The following AHDC1 variants were observed in gnomAD, a reference collection of about 807,000 sequenced individuals.
AHDC1 encodes the protein AT-hook DNA binding motif containing 1, also known as transcription factor Gibbin.
A neutral mutation model predicts 87.9 loss-of-function variants in AHDC1; 7 were observed. That is an observed-to-expected ratio of 0.08 (90% CI 0.05 to 0.15). The LOEUF (loss-of-function observed/expected upper bound fraction) is 0.15. Ranked by LOEUF, AHDC1 falls within the 10% of genes least tolerant of loss-of-function variation. The pLI is 1.00. For missense variants in AHDC1, 1,841 were observed against 2,253.2 expected, an observed-to-expected ratio of 0.82 and a Z score of 3.70; for synonymous variants, 1,051 against 1,006.8, an observed-to-expected ratio of 1.04 and a Z score of -0.83.
At chr1:27,577,346 G>C (rs2088784885) in intron 3 of AHDC1, among the ~76,000 whole-genome samples, 1 of 152,246 alleles carries the variant, frequency 6.6e-6, no homozygotes, top group Non-Finnish European at 1.5e-5. Context: ...CCGTGCGGCA[G>C]CTAGAGGGGC....
chr1:27,540,068 G>A (rs1251941531), intron 8 of AHDC1, among the ~76,000 whole-genome samples: 1 of 152,176 alleles, frequency 6.6e-6, no homozygotes, highest in African/African-American at 2.4e-5. Context: ...CAACTGAAGT[G>A]GAGGCTGAGG....
At chr1:27,542,106 C>T (rs1351171451) in intron 8 of AHDC1, among the ~76,000 whole-genome samples, 1 of 152,246 alleles carries the variant, frequency 6.6e-6, no homozygotes, top group Non-Finnish European at 1.5e-5. Flanking sequence ...AGCACAAACG[C>T]AGTGCACTAT....
At chr1:27,585,594 C>T (rs911487171) in intron 3 of AHDC1, among the ~76,000 whole-genome samples, 1 of 152,128 alleles carries the variant, frequency 6.6e-6, no homozygotes, top group Non-Finnish European at 1.5e-5. Context: ...GCCCCTGTTC[C>T]AAACAGATAA....
intron 8 of AHDC1, among the ~76,000 whole-genome samples, chr1:27,544,597 T>G (rs1180940021): frequency 6.6e-6 from 1 of 152,254 alleles, no homozygotes; most frequent in African/African-American, 2.4e-5. Flanking sequence ...TTAAGCCCTC[T>G]GTTGAGAGTG....
At chr1:27,602,293 C>T (rs977518431) in intron 3 of AHDC1, among the ~76,000 whole-genome samples, 10 of 152,026 alleles carry the variant, frequency 6.6e-5, no homozygotes, top group African/African-American at 2.4e-4. Context: ...CGCTCTGTGC[C>T]CGCTGCCCGC....
rs780869080 is a variant in AHDC1, at chr1:27,593,911, C to A, written c.-629+9486G>T. On this transcript the variant is annotated intron_variant, in intron 3 of 8. Coordinates refer to ENST00000673934, the MANE Select transcript of AHDC1 (RefSeq NM_001371928.1). The surrounding 1 kb of genome is among the most constrained non-coding windows in gnomAD (Gnocchi z 4.9). ...CCTTCCCACAGCACTGCAGTTGCTT[C>A]TTCTTTAGGGTCTTGGGGATCAGTG... 2.6e-5 allele frequency among the ~76,000 whole-genome samples: 4 copies of A among 152,220 alleles called. No homozygotes were observed. Among genetic ancestry groups the A allele is most frequent in the Admixed American group, 6.5e-5 (1 of 15,286 alleles).
At chr1:27,568,656 G>A (rs1183986180) in intron 3 of AHDC1, among the ~76,000 whole-genome samples, 1 of 151,870 alleles carries the variant, frequency 6.6e-6, no homozygotes, top group East Asian at 1.9e-4. Flanking sequence ...TAGGGGCGGG[G>A]TCGGGGCTTC....
chr1:27,548,202 A>C lies in AHDC1; in HGVS notation c.3914T>G (p.Leu1305Arg). The change falls in exon 8 of 9, where the codon CTG becomes CGG. Residue 1305 changes from leucine (L) to arginine (R), a missense_variant. Physicochemically the swap from Leu to Arg is moderately radical, Grantham distance 102. This residue lies in a region of AHDC1 where 505 missense variants were observed against 626.2 expected (regional missense o/e 0.81). Transcript: ENST00000673934. ...GCCGAGGTCAGGACTGTCCTGGAAC[A>C]GTGGGTTGACTGGCTGTGGCTTGGG... ...FIPKPQPVNP[L>R]FQDSPDLGLD... The C allele has an allele frequency of 1.9e-6, 3 of 1,613,544 alleles. No individual in the cohort carries two copies. The highest frequency in any genetic ancestry group is 2.5e-6 in the Non-Finnish European group (3 of 1,179,942).
At chr1:27,557,628 C>A (rs1016378210) in intron 5 of AHDC1, among the ~76,000 whole-genome samples, 1 of 152,224 alleles carries the variant, frequency 6.6e-6, no homozygotes, top group Non-Finnish European at 1.5e-5. Flanking sequence ...CACACTTAGC[C>A]AGTGTACACA....
intron 3 of AHDC1, among the ~76,000 whole-genome samples, chr1:27,594,799 A>C (rs1404770297): frequency 6.6e-6 from 1 of 152,012 alleles, no homozygotes; most frequent in Non-Finnish European, 1.5e-5. Flanking sequence ...GGTGGGAGTG[A>C]GGGCTGCAGA....
upstream of AHDC1, chr1:27,604,204 G>A (rs1048432691): frequency 6.6e-6 from 1 of 151,442 alleles, no homozygotes; most frequent in Admixed American, 6.6e-5. Context: ...GCGCGCGCGC[G>A]GCACGCCGGG....
intron 3 of AHDC1, among the ~76,000 whole-genome samples, chr1:27,591,460 G>C (rs186485078): frequency 6.6e-5 from 10 of 152,202 alleles, no homozygotes; most frequent in African/African-American, 2.2e-4. Flanking sequence ...GATATCCCAG[G>C]TGACCACCTT....
rs1165205177 is a variant in AHDC1, at chr1:27,550,054, G to C, written c.2062C>G (p.Arg688Gly). ...RGGGHAAKSA[R>G]CSFSDFFEGI... ...TCAAAGAAGTCACTGAAGGAGCATC[G>C]GGCTGACTTGGCCGCATGGCCCCCA... Residue 688 changes from arginine to glycine, a missense_variant, in exon 8 of 9, where the codon CGA becomes GGA. Transcript: ENST00000673934. The C allele has an allele frequency of 1.9e-6, 3 of 1,605,194 alleles. No homozygotes were observed. Among genetic ancestry groups the C allele is most frequent in the South Asian group, 1.1e-5 (1 of 90,680 alleles).
chr1:27,580,854 G>A (rs1265072107), intron 3 of AHDC1, among the ~76,000 whole-genome samples: 1 of 149,894 alleles, frequency 6.7e-6, no homozygotes, highest in Non-Finnish European at 1.5e-5. Context: ...TTTTTTTTTT[G>A]AGATGGAGTC....
In AHDC1 at chr1:27,547,156, C is replaced by T. The variant is rs372406158; in HGVS notation, c.*43+105G>A. On this transcript the variant is annotated intron_variant, in intron 8 of 8. Transcript: ENST00000673934. This position sits in a 1 kb window ranked among gnomAD's most constrained non-coding sequence, Gnocchi z 4.9. Reference sequence around the variant, plus strand: ...TCAGTCCCCAGCCTTGCCCTTAAATCCTGCATTTGCTTCCTGCACTCCATA... The same window carrying T: ...TCAGTCCCCAGCCTTGCCCTTAAATTCTGCATTTGCTTCCTGCACTCCATA... 9.5e-5 allele frequency: 75 copies of T among 787,990 alleles called. 1 individual carries two copies. In the African/African-American group the frequency reaches 1.2e-3, roughly 12 times the overall value. The allele number at this position is 787,990 out of a possible 1,614,324, so 48.8% of individuals were successfully genotyped here.
intron 3 of AHDC1, among the ~76,000 whole-genome samples, chr1:27,583,773 T>C (rs1004155100): frequency 3.9e-5 from 6 of 152,226 alleles, no homozygotes; most frequent in Non-Finnish European, 2.9e-5. Context: ...GATTCCTATC[T>C]GTGAAATAAG....
chr1:27,565,877 C>A lies in AHDC1; in HGVS notation c.-628-6994G>T, dbSNP rs2020296097. Among the ~76,000 whole-genome samples, 2 of 152,170 alleles carry A rather than the reference C, an allele frequency of 1.3e-5. No individual in the cohort carries two copies. Among genetic ancestry groups the A allele is most frequent in the Non-Finnish European group, 2.9e-5 (2 of 68,020 alleles). On this transcript the variant is annotated intron_variant, in intron 3 of 8. Transcript: ENST00000673934. The surrounding 1 kb of genome is among the most constrained non-coding windows in gnomAD (Gnocchi z 4.6). ...GATGGATGGAGCCCATCCCCTAAAA[C>A]CCTGGAAAGGCAGACTCACACTCTT...
chr1:27,550,718 G>A lies in AHDC1; in HGVS notation c.1398C>T (p.Gly466=). The A allele has an allele frequency of 6.2e-7, 1 of 1,602,732 alleles. No individual in the cohort carries two copies. The highest frequency in any genetic ancestry group is 8.5e-7 in the Non-Finnish European group (1 of 1,175,132). The change falls in exon 8 of 9, where the codon GGC becomes GGT. Residue 466 remains glycine (G), a synonymous_variant. Transcript: ENST00000673934. ...CCATGCGCCGCACGCCCCGGCACTT[G>A]CCTTTGCGGGTAGAGACCACTGGGG... ...SQTPVVSTRK[G]KCRGVRRMVV...
Position 27,563,996 on chromosome 1 carries a change from G to A in AHDC1, c.-628-5113C>T, listed in dbSNP as rs1443856995. 1.3e-5 allele frequency among the ~76,000 whole-genome samples: 2 copies of A among 152,198 alleles called. No individual in the cohort carries two copies. The highest frequency in any genetic ancestry group is 2.9e-5 in the Non-Finnish European group (2 of 68,030). ...GTGGGGAGTAGGGCGGTTAGGGGTT[G>A]CTATCACCATGTGCTCAGTGGGAAG... On this transcript the variant is annotated intron_variant, in intron 3 of 8. Transcript: ENST00000673934. This position sits in a 1 kb window ranked among gnomAD's most constrained non-coding sequence, Gnocchi z 6.1.
Sources: allele counts gnomAD v4.1 joint callset (sites outside exome capture counted in the v4.1 genomes callset), GRCh38; gene constraint gnomAD v4.1.1; regional missense constraint gnomAD v4.1.1; non-coding constraint Gnocchi (gnomAD v3.1); transcripts MANE v1.5; gene names NCBI Gene and HGNC (gene_info 2026-07-23, HGNC 2026-07-21).